The following NOP9 variants were observed in gnomAD, a reference collection of about 807,000 sequenced individuals.
NOP9 encodes NOP9 nucleolar protein.
Under a neutral mutation model 63.0 loss-of-function variants are expected in NOP9, and 50 were observed. The observed-to-expected ratio is 0.79, with a 90% confidence interval of 0.63 to 1.00. The LOEUF (loss-of-function observed/expected upper bound fraction) is 1.00. Among genes scored for constraint, NOP9 ranks in the 50% least tolerant of loss-of-function variants. The pLI is 0.00. For missense variants in NOP9, 758 were observed against 803.0 expected, an observed-to-expected ratio of 0.94 and a Z score of 0.68; for synonymous variants, 343 against 332.8, an observed-to-expected ratio of 1.03 and a Z score of -0.33.
At chr14:24,294,374 G>A in the NOP9 span, 1 of 152,150 alleles carries the variant, frequency 6.6e-6, no homozygotes. Context: ...GATCACTTGA[G>A]ATCAGGAGTT....
the NOP9 span, among the ~76,000 whole-genome samples, chr14:24,284,976 A>T: frequency 4.6e-5 from 7 of 152,244 alleles, 1 homozygote; most frequent in South Asian, 6.2e-4. Flanking sequence ...TCAGGAGCTG[A>T]TGGAAACTCC....
chr14:24,300,963 G>A (rs2041366429), intron 2 of NOP9, 106 bp downstream of exon 2: 2 of 934,596 alleles, frequency 2.1e-6, no homozygotes, highest in Non-Finnish European at 3.2e-6. Flanking sequence ...GCTTGACCGG[G>A]AAGAATTAGC....
Position 24,303,139 on chromosome 14 carries a change from G to C in NOP9, c.1209G>C (p.Gly403=). The C allele has an allele frequency of 3.7e-6, 6 of 1,613,144 alleles. No homozygotes were observed. Among genetic ancestry groups the C allele is most frequent in the African/African-American group, 1.3e-5 (1 of 74,988 alleles). ...CTGTATTGGCCCAGGGCCACCCAGG[G>C]GTAGTCATTGCCCTGGTGGGGGCCT... The part of the protein sequence containing the change: ...LEAVLAQGHP[G]VVIALVGACR... Residue 403 remains glycine, a synonymous_variant, in exon 6 of 10, where the codon GGG becomes GGC. Transcript: ENST00000267425.
At chr14:24,301,076 A>G (rs1376989825) in intron 2 of NOP9, among the ~76,000 whole-genome samples, 3 of 152,180 alleles carry the variant, frequency 2.0e-5, no homozygotes, top group African/African-American at 7.2e-5. Flanking sequence ...GGCTATTAGA[A>G]TGGACGCAGG....
intron 9 of NOP9, 102 bp from the exon 10 acceptor site, chr14:24,304,836 C>T: frequency 7.6e-7 from 1 of 1,320,344 alleles, no homozygotes; most frequent in Non-Finnish European, 1.0e-6. Context: ...CACTTTATCC[C>T]AGTGGCAGTC....
In NOP9 at chr14:24,299,902, G is replaced by T; in HGVS notation, c.-53G>T. 6.7e-7 allele frequency: 1 copy of T among 1,502,128 alleles called. No individual in the cohort carries two copies. The highest frequency in any genetic ancestry group is 8.9e-7 in the Non-Finnish European group (1 of 1,128,120). 93.0% of individuals were successfully genotyped at this position (1,502,128 alleles called of 1,614,324 possible). ...AAGGCGCACGCTTGGCGACGTCGAA[G>T]GTCCGTCCGCAGTTAAGGAAGCTTT... On this transcript the variant is annotated 5_prime_UTR_variant, in exon 1 of 10. It adds an upstream start codon to the 5' untranslated region. Coordinates refer to ENST00000267425, the MANE Select transcript of NOP9 (RefSeq NM_174913.3).
the NOP9 span, among the ~76,000 whole-genome samples, chr14:24,272,244 C>G: frequency 6.6e-6 from 1 of 152,216 alleles, no homozygotes; most frequent in Non-Finnish European, 1.5e-5. Flanking sequence ...TTTATATCTC[C>G]AGCCCAGATG....
rs965415929 is a variant in NOP9 at position 24,305,310 on chromosome 14, A to G, written c.*215A>G. The G allele has an allele frequency of 2.1e-5, 12 of 575,902 alleles. No homozygotes were observed. Among genetic ancestry groups the G allele is most frequent in the Non-Finnish European group, 3.4e-5 (12 of 351,532 alleles). 35.7% of individuals were successfully genotyped at this position (575,902 alleles called of 1,614,324 possible). A position where few individuals can be genotyped will look rare whatever the true frequency, so the allele number is the denominator to read the frequency against. Reference sequence around the variant, plus strand: ...CATCAGTATGCTGGGGAGTTTAGGGACAGGAGGCATTGGTAGGGGATTAGA... The same window carrying G: ...CATCAGTATGCTGGGGAGTTTAGGGGCAGGAGGCATTGGTAGGGGATTAGA... On this transcript the variant is annotated 3_prime_UTR_variant, in exon 10 of 10. Transcript: ENST00000267425.
chr14:24,290,259 G>A, the NOP9 span, among the ~76,000 whole-genome samples: 2 of 152,262 alleles, frequency 1.3e-5, no homozygotes, highest in African/African-American at 4.8e-5. Flanking sequence ...CCAAGTTCCA[G>A]GAAATCATGA....
intron 2 of NOP9, among the ~76,000 whole-genome samples, chr14:24,301,408 G>C (rs769599322): frequency 1.3e-5 from 2 of 152,184 alleles, no homozygotes; most frequent in Non-Finnish European, 2.9e-5. Context: ...ACTGTCTTCT[G>C]TGGACCATGG....
At chr14:24,288,186 C>CAAT in the NOP9 span, among the ~76,000 whole-genome samples, 5 of 152,208 alleles carry the variant, frequency 3.3e-5, no homozygotes, top group African/African-American at 1.2e-4. Context: ...TCACTGCCTT[C>CAAT]AATAAATGGA....
At chr14:24,281,930 C>G in the NOP9 span, among the ~76,000 whole-genome samples, 3 of 152,170 alleles carry the variant, frequency 2.0e-5, no homozygotes, top group Non-Finnish European at 4.4e-5. Flanking sequence ...AACCAGAGGC[C>G]GGCACAGTGG....
At chr14:24,301,884 T>G (rs2041383594) in intron 3 of NOP9, 81 bp from the exon 4 acceptor site, 1 of 1,505,920 alleles carries the variant, frequency 6.6e-7, no homozygotes, top group Admixed American at 1.8e-5. Context: ...TAGTGCCCTG[T>G]ATCTTGTTGC....
chr14:24,292,799 A>T, the NOP9 span: 1 of 1,607,440 alleles, frequency 6.2e-7, no homozygotes, highest in South Asian at 1.1e-5. Context: ...AAGGTGGGGC[A>T]AGGGAAGAAG....
the NOP9 span, among the ~76,000 whole-genome samples, chr14:24,273,864 C>T: frequency 2.0e-5 from 3 of 152,212 alleles, no homozygotes; most frequent in Admixed American, 6.5e-5. Flanking sequence ...TGCGTTTCCT[C>T]TATGTCTGAA....
chr14:24,288,596 C>T, the NOP9 span, among the ~76,000 whole-genome samples: 1 of 152,150 alleles, frequency 6.6e-6, no homozygotes, highest in Non-Finnish European at 1.5e-5. Context: ...GATCTGCCTG[C>T]GTCAGCCTCC....
Position 24,306,172 on chromosome 14 carries a change from A to G in NOP9, c.*1077A>G. The G allele has an allele frequency of 6.3e-7, 1 of 1,596,688 alleles. No individual in the cohort carries two copies. Among genetic ancestry groups the G allele is most frequent in the Middle Eastern group, 1.8e-4 (1 of 5,652 alleles). On this transcript the variant is annotated 3_prime_UTR_variant, in exon 10 of 10. Transcript: ENST00000267425. ...ACCCTTGTCAGTGCAGTAGATCCTCATACCAGACACCCACCACTAATCTCC... is the reference window on the plus strand; with the variant it reads ...ACCCTTGTCAGTGCAGTAGATCCTCGTACCAGACACCCACCACTAATCTCC...
the NOP9 span, among the ~76,000 whole-genome samples, chr14:24,276,982 C>A: frequency 4.6e-5 from 7 of 152,268 alleles, no homozygotes; most frequent in Middle Eastern, 3.4e-3. Flanking sequence ...GGTTAGAAAA[C>A]CCCCTCTTCA....
In NOP9 at chr14:24,305,412, A is replaced by G. The variant is rs1396254739; in HGVS notation, c.*317A>G. ...GGCCTTTCAGGGCAAGTGGGAGGCC[A>G]GAAAGGTGGCTAGGAAAGAACAGCA... On this transcript the variant is annotated 3_prime_UTR_variant, in exon 10 of 10. Coordinates refer to ENST00000267425, the MANE Select transcript of NOP9 (RefSeq NM_174913.3). 3.3e-6 allele frequency: 2 copies of G among 612,218 alleles called. No individual in the cohort carries two copies. Among genetic ancestry groups the G allele is most frequent in the Admixed American group, 3.6e-5 (1 of 27,752 alleles). The allele number at this position is 612,218 out of a possible 1,614,324, so 37.9% of individuals were successfully genotyped here.
Sources: gnomAD v4.1 joint callset for allele counts (sites outside exome capture counted in the v4.1 genomes callset) on GRCh38, gnomAD v4.1.1 for gene constraint, MANE v1.5 for transcripts, NCBI Gene and HGNC (gene_info 2026-07-23, HGNC 2026-07-21) for gene names.